Variants in VIPR2 observed in about 807,000 individuals in gnomAD.
The protein encoded by VIPR2 is vasoactive intestinal polypeptide receptor 2.
Under a neutral mutation model 58.0 loss-of-function variants are expected in VIPR2, and 48 were observed. The observed-to-expected ratio is 0.83, with a 90% CI of 0.66 to 1.05. The LOEUF (loss-of-function observed/expected upper bound fraction) is 1.05. Among genes scored for constraint, VIPR2 ranks in the 50% least tolerant of loss-of-function variants. The pLI is 0.00. For synonymous variants in VIPR2, 243 were observed against 235.2 expected, an observed-to-expected ratio of 1.03 and a Z score of -0.30; for missense variants, 534 against 558.0, an observed-to-expected ratio of 0.96 and a Z score of 0.43.
chr7:159,031,404 C>T lies in VIPR2; in HGVS notation c.1143+424G>A. The T allele has an allele frequency of 1.0e-6, 1 of 980,894 alleles. No individual in the cohort carries two copies. The highest frequency in any genetic ancestry group is 4.7e-5 in the South Asian group (1 of 21,194). The allele number at this position is 980,894 out of a possible 1,614,324, so 60.8% of individuals were successfully genotyped here. A position where few individuals can be genotyped will look rare whatever the true frequency, so the allele number is the denominator to read the frequency against. The stretch of plus-strand genomic sequence containing the variant: ...TCCCTGGCTGGGAATGAACGCAGGG[C>T]AGAGCTCGGCTCCGGGCTTCCTCCC... On this transcript the variant is annotated intron_variant, in intron 12 of 12. Transcript: ENST00000262178. This position sits in a 1 kb window ranked among gnomAD's most constrained non-coding sequence, Gnocchi z 4.0.
intron 2 of VIPR2, among the ~76,000 whole-genome samples, chr7:159,131,247 C>G (rs1349622448): frequency 6.6e-6 from 1 of 152,186 alleles, no homozygotes; most frequent in Non-Finnish European, 1.5e-5. Flanking sequence ...AAAACCTTAT[C>G]TCCTGTGTAA....
intron 2 of VIPR2, among the ~76,000 whole-genome samples, chr7:159,132,351 A>G (rs1796951930): frequency 2.2e-5 from 3 of 139,212 alleles, no homozygotes; most frequent in African/African-American, 7.8e-5. Context: ...CTCCGACTCC[A>G]TGGGAGCAGT....
chr7:159,130,778 A>G (rs980924724), intron 2 of VIPR2, among the ~76,000 whole-genome samples: 8 of 152,270 alleles, frequency 5.3e-5, no homozygotes, highest in Non-Finnish European at 7.3e-5. Context: ...ATGGGCAGGA[A>G]GAACCCATCA....
intron 8 of VIPR2, among the ~76,000 whole-genome samples, chr7:159,035,487 C>T (rs1157618911): frequency 6.6e-6 from 1 of 152,220 alleles, no homozygotes; most frequent in Non-Finnish European, 1.5e-5. Context: ...ACCACGCGTG[C>T]TCATGTCTGG....
intron 2 of VIPR2, among the ~76,000 whole-genome samples, chr7:159,132,474 T>A (rs552368919): frequency 6.6e-6 from 1 of 151,948 alleles, no homozygotes; most frequent in Non-Finnish European, 1.5e-5. Flanking sequence ...GTCGGAGGCC[T>A]CAGGTAAGAA....
intron 4 of VIPR2, among the ~76,000 whole-genome samples, chr7:159,102,143 C>T (rs1294927308): frequency 7.3e-6 from 1 of 136,386 alleles, no homozygotes; most frequent in African/African-American, 2.5e-5. Flanking sequence ...CCGACTGTTC[C>T]TGTGGTAGTG....
At position 159,035,676 on chromosome 7, in the gene VIPR2, C is replaced by T. The variant is rs12666842; in HGVS notation, c.809+276G>A. 4.2e-4 allele frequency: 409 copies of T among 984,734 alleles called. 6 individuals carry two copies. In the East Asian group the frequency reaches 0.017, roughly 40 times the overall value. 61.0% of individuals were successfully genotyped at this position (984,734 alleles called of 1,614,324 possible). On this transcript the variant is annotated intron_variant, in intron 8 of 12. Coordinates refer to ENST00000262178, the MANE Select transcript of VIPR2 (RefSeq NM_003382.5). ...CTTCTGTGGACATCGCTGTGCCCAC[C>T]GCAGGGGCTGCCCCAGTCTCTGCCT...
intron 2 of VIPR2, among the ~76,000 whole-genome samples, chr7:159,138,375 T>C (rs1230194052): frequency 2.6e-5 from 4 of 152,240 alleles, no homozygotes; most frequent in African/African-American, 7.2e-5. Flanking sequence ...AATAGTGTCA[T>C]TTGGTCATAG....
At chr7:159,059,202 T>C (rs565798900) in intron 4 of VIPR2, 74 of 470,474 alleles carry the variant, frequency 1.6e-4, no homozygotes, top group South Asian at 1.1e-3. Context: ...GGGAGTTCTA[T>C]GACAACAGGG....
chr7:159,061,776 G>T (rs952767753), intron 4 of VIPR2, among the ~76,000 whole-genome samples: 15 of 152,260 alleles, frequency 9.9e-5, no homozygotes, highest in Non-Finnish European at 1.6e-4. Context: ...CGACAGACAG[G>T]AAAGACGGCT....
At chr7:159,112,595 C>T (rs1796058866) in intron 2 of VIPR2, among the ~76,000 whole-genome samples, 1 of 151,744 alleles carries the variant, frequency 6.6e-6, no homozygotes, top group Non-Finnish European at 1.5e-5. Context: ...GACAGGCCAT[C>T]GGTACCCCCG....
At chr7:159,064,210 G>A (rs1409146916) in intron 4 of VIPR2, among the ~76,000 whole-genome samples, 2 of 151,974 alleles carry the variant, frequency 1.3e-5, no homozygotes, top group East Asian at 1.9e-4. Context: ...CCCACGCGCC[G>A]GGCCAGGAGG....
intron 6 of VIPR2, among the ~76,000 whole-genome samples, chr7:159,040,985 C>G (rs1489155033): frequency 6.6e-6 from 1 of 152,184 alleles, no homozygotes; most frequent in South Asian, 2.1e-4. Flanking sequence ...AAAGCCGACT[C>G]CCTCTGTCCT....
chr7:159,055,232 C>T (rs754593951), intron 5 of VIPR2, among the ~76,000 whole-genome samples: 48 of 152,152 alleles, frequency 3.2e-4, no homozygotes, highest in Admixed American at 2.0e-3. Flanking sequence ...TGCATGATTC[C>T]GAGGTAACGT....
chr7:159,031,797 G>C lies in VIPR2; in HGVS notation c.1143+31C>G. 5 of 1,613,844 alleles carry C rather than the reference G, an allele frequency of 3.1e-6. No individual in the cohort carries two copies. The highest frequency in any genetic ancestry group is 4.2e-6 in the Non-Finnish European group (5 of 1,180,012). Reference sequence around the variant, plus strand: ...CATCTCAGGAAGCAAGTGAGTACCTGTGCTTGGTTCCAAGGCGGCCATGAA... The same window carrying C: ...CATCTCAGGAAGCAAGTGAGTACCTCTGCTTGGTTCCAAGGCGGCCATGAA... On this transcript the variant is annotated intron_variant, in intron 12 of 12. Transcript: ENST00000262178. This position sits in a 1 kb window ranked among gnomAD's most constrained non-coding sequence, Gnocchi z 4.0.
rs1308219173 is a variant in VIPR2 at position 159,127,586 on chromosome 7, A to C, written c.151+14860T>G. ...TCCCTGACCAGCCATCTCTGCCTAA[A>C]GAGAAGGCATCATTGCAAATGCCTC... On this transcript the variant is annotated intron_variant, in intron 2 of 12. Transcript: ENST00000262178. The surrounding 1 kb of genome is among the most constrained non-coding windows in gnomAD (Gnocchi z 4.6). Among the ~76,000 whole-genome samples, 3 of 152,192 alleles carry C rather than the reference A, an allele frequency of 2.0e-5. No individual in the cohort carries two copies. The highest frequency in any genetic ancestry group is 1.3e-4 in the Admixed American group (2 of 15,278).
At chr7:159,102,764 T>C (rs901986336) in intron 4 of VIPR2, among the ~76,000 whole-genome samples, 1 of 152,152 alleles carries the variant, frequency 6.6e-6, no homozygotes, top group Non-Finnish European at 1.5e-5. Context: ...GCCCACAAGC[T>C]GATGGTTTTG....
intron 3 of VIPR2, 54 bp downstream of exon 3, chr7:159,109,758 C>A: frequency 1.3e-6 from 2 of 1,521,474 alleles, no homozygotes; most frequent in Non-Finnish European, 9.1e-7. Flanking sequence ...AAAAAATGGA[C>A]GCTCAGATGC....
At chr7:159,110,296 T>C (rs1436572515) in intron 2 of VIPR2, among the ~76,000 whole-genome samples, 1 of 152,206 alleles carries the variant, frequency 6.6e-6, no homozygotes, top group African/African-American at 2.4e-5. Context: ...GAATCTGACT[T>C]CAATGATTAT....
Sources: gnomAD v4.1 joint callset for allele counts (sites outside exome capture counted in the v4.1 genomes callset) on GRCh38, gnomAD v4.1.1 for gene constraint, Gnocchi (gnomAD v3.1) non-coding constraint, MANE v1.5 for transcripts, NCBI Gene and HGNC (gene_info 2026-07-23, HGNC 2026-07-21) for gene names.